Variants in NCOR2 observed in about 807,000 individuals in gnomAD.
NCOR2 encodes nuclear receptor corepressor 2, also known as CTG repeat protein 26.
A neutral mutation model predicts 262.9 loss-of-function variants in NCOR2; 81 were observed. The ratio of observed to expected loss-of-function variants is 0.31; its 90% CI spans 0.26 to 0.37. NCOR2 has a LOEUF of 0.37. NCOR2 is among the 10% of genes least tolerant of loss of function. The pLI, the probability that NCOR2 is intolerant of heterozygous loss-of-function variation, is 1.00. For synonymous variants in NCOR2, 1,659 were observed against 1,559.3 expected, an observed-to-expected ratio of 1.06 and a Z score of -1.51; for missense variants, 3,385 against 3,621.4, an observed-to-expected ratio of 0.93 and a Z score of 1.68.
At chr12:124,333,897 C>CATGTGTGTGT (rs1566353653) in intron 41 of NCOR2, among the ~76,000 whole-genome samples, 2 of 123,618 alleles carry the variant, frequency 1.6e-5, no homozygotes, top group African/African-American at 5.4e-5. Flanking sequence ...TGTGTGTGTG[C>CATGTGTGTGT]GCGCGCATGT....
intron 16 of NCOR2, among the ~76,000 whole-genome samples, chr12:124,396,437 C>T (rs2041661308): frequency 6.6e-6 from 1 of 152,186 alleles, no homozygotes; most frequent in African/African-American, 2.4e-5. Flanking sequence ...ATGCCAGAAA[C>T]CACCAAGTGG....
At chr12:124,349,841 C>T (rs2037285041) in intron 28 of NCOR2, among the ~76,000 whole-genome samples, 2 of 152,148 alleles carry the variant, frequency 1.3e-5, no homozygotes, top group South Asian at 4.2e-4. Context: ...GGTCCAGGGG[C>T]ACCAGGGCAT....
chr12:124,476,986 G>A (rs866040217), intron 3 of NCOR2, among the ~76,000 whole-genome samples: 9 of 151,742 alleles, frequency 5.9e-5, no homozygotes, highest in South Asian at 2.1e-4. Context: ...GAGTGGAAGT[G>A]GACAGACATA....
intron 43 of NCOR2, 38 bp from the exon 46 acceptor site, chr12:124,330,936 C>T (rs1266759122): frequency 1.3e-6 from 2 of 1,561,154 alleles, no homozygotes; most frequent in Non-Finnish European, 1.7e-6. Context: ...GCCCCCAGGT[C>T]TCTGGGAATT....
Position 124,483,866 on chromosome 12 carries a change from C to T in NCOR2, c.234-93G>A, listed in dbSNP as rs1185886975. ...CACCCTCTGCGCCGAGCATCTACTG[C>T]GCGCCGTGCTCTGTATGATCCTGCC... On this transcript the variant is annotated intron_variant, in intron 2 of 46. Transcript: ENST00000405201. This position sits in a 1 kb window ranked among gnomAD's most constrained non-coding sequence, Gnocchi z 6.3. The T allele has an allele frequency of 4.4e-6, 6 of 1,373,464 alleles. No homozygotes were observed. The African/African-American group carries it at 5.9e-5, about 13-fold the overall frequency. 85.1% of individuals were successfully genotyped at this position (1,373,464 alleles called of 1,614,324 possible).
chr12:124,363,135 C>G, intron 21 of NCOR2, among the ~76,000 whole-genome samples: 1 of 152,266 alleles, frequency 6.6e-6, no homozygotes, highest in East Asian at 1.9e-4. Flanking sequence ...GCCGTGTAGC[C>G]TGACACGCCC....
intron 8 of NCOR2, among the ~76,000 whole-genome samples, chr12:124,437,068 A>G (rs997220262): frequency 2.0e-5 from 3 of 152,070 alleles, no homozygotes; most frequent in African/African-American, 7.3e-5. Flanking sequence ...CCTGGGTGAC[A>G]GAGCGAAACT....
chr12:124,360,418 G>A (rs1313172520), intron 22 of NCOR2, among the ~76,000 whole-genome samples: 2 of 152,362 alleles, frequency 1.3e-5, no homozygotes, highest in Non-Finnish European at 2.9e-5. Flanking sequence ...GGTTCAGGCA[G>A]CCTCTGTCGC....
Position 124,440,316 on chromosome 12 carries a change from C to T in NCOR2, c.816-2320G>A, listed in dbSNP as rs189873894. 1.4e-4 allele frequency among the ~76,000 whole-genome samples: 21 copies of T among 152,308 alleles called. No individual in the cohort carries two copies. The East Asian group carries it at 2.3e-3, about 17-fold the overall frequency. On this transcript the variant is annotated intron_variant, in intron 7 of 46. Transcript: ENST00000405201. This position sits in a 1 kb window ranked among gnomAD's most constrained non-coding sequence, Gnocchi z 5.7. ...GGAGGGAACCCCAGGCTCTGACGGA[C>T]GAGTGAAGCCTCATGGGGCTCAAGG... is the stretch of plus-strand genomic sequence containing the variant.
rs1325622327 is a variant in NCOR2, at chr12:124,424,309, A to ACCGTC, written c.1329-1759_1329-1755dup. ...AATTCAGTAATTCTTAACACCCGTG[A>ACCGTC]CCGTCCCACCATCACCTCCCTCGTT... On this transcript the variant is annotated intron_variant, in intron 11 of 46. Transcript: ENST00000405201. 2.6e-5 allele frequency among the ~76,000 whole-genome samples: 4 copies of ACCGTC among 152,286 alleles called. No individual in the cohort carries two copies. In the East Asian group the frequency reaches 7.7e-4, roughly 29 times the overall value.
At chr12:124,501,733 T>G (rs1229454070) in intron 1 of NCOR2, among the ~76,000 whole-genome samples, 2 of 152,218 alleles carry the variant, frequency 1.3e-5, no homozygotes, top group South Asian at 2.1e-4. Context: ...GCAAAAACCC[T>G]TTCCAAACAA....
intron 14 of NCOR2, 72 bp downstream of exon 16, chr12:124,402,332 G>A: frequency 1.3e-6 from 2 of 1,592,774 alleles, no homozygotes; most frequent in Middle Eastern, 1.8e-4. Context: ...TCTACAAAGG[G>A]TCCCCCAGAA....
rs768020599 is a variant in NCOR2, at chr12:124,372,397, G to C, written c.2432C>G (p.Ala811Gly). 4.7e-6 allele frequency: 7 copies of C among 1,500,068 alleles called. No individual in the cohort carries two copies. The East Asian group carries it at 1.6e-4, about 35-fold the overall frequency. The allele number at this position is 1,500,068 out of a possible 1,614,324, so 92.9% of individuals were successfully genotyped here. The stretch of plus-strand genomic sequence containing the variant: ...AGGAGGTGCAGAGGGCGATGGGGGT[G>C]CTGGTGGGGGCGTAGGGGCTCCGGT... The change falls in exon 20 of 47, where the codon GCA (alanine) becomes GGA (glycine). Residue 811 changes from alanine to glycine, a missense_variant. Physicochemically the swap from Ala to Gly is moderately conservative, Grantham distance 60. This residue lies in a region of NCOR2 where 1,615 missense variants were observed against 1,626.9 expected (regional missense o/e 0.99). Transcript: ENST00000405201.
chr12:124,327,759 T>G, intron 44 of NCOR2, 126 bp from the exon 47 acceptor site: 8 of 655,270 alleles, frequency 1.2e-5, no homozygotes, highest in Non-Finnish European at 1.6e-5. Context: ...GAGAGAGAAA[T>G]ACACAGTGAG....
rs200733406 is a variant in NCOR2, at chr12:124,355,579, G to A, written c.3242-8C>T. ...CCAGGGGCAGTGGGTGACCTGTGGA[G>A]CACATGTCTGTCCATTGTGGGGCCC... On this transcript the variant is annotated splice_region_variant and splice_polypyrimidine_tract_variant and intron_variant, in intron 23 of 46. Transcript: ENST00000405201. The A allele has an allele frequency of 1.9e-6, 3 of 1,555,420 alleles. No individual in the cohort carries two copies. Among genetic ancestry groups the A allele is most frequent in the Admixed American group, 1.9e-5 (1 of 52,540 alleles).
intron 3 of NCOR2, among the ~76,000 whole-genome samples, chr12:124,477,926 A>G (rs1336998468): frequency 6.6e-6 from 1 of 152,266 alleles, no homozygotes; most frequent in African/African-American, 2.4e-5. Flanking sequence ...ACAGAGAGGC[A>G]GAAAAGCCCC....
intron 45 of NCOR2, 45 bp downstream of exon 47, chr12:124,327,364 C>T (rs751485633): frequency 2.7e-5 from 31 of 1,165,730 alleles, no homozygotes; most frequent in Admixed American, 6.1e-5. Flanking sequence ...TTAATCACAC[C>T]GGGGGTGGGG....
In NCOR2 at chr12:124,378,387, G is replaced by A. The variant is rs1332177511; in HGVS notation, c.2020-3C>T. On this transcript the variant is annotated splice_polypyrimidine_tract_variant and splice_region_variant and intron_variant, in intron 17 of 46. Coordinates refer to ENST00000405201, the Ensembl canonical transcript of NCOR2. This position sits in a 1 kb window ranked among gnomAD's most constrained non-coding sequence, Gnocchi z 4.2. Reference sequence around the variant, plus strand: ...CTCCGCGCGTTCCTCTCCTTCTCCTGGGGCACAGGGAAGCAGCAGATCAGG... The same window carrying A: ...CTCCGCGCGTTCCTCTCCTTCTCCTAGGGCACAGGGAAGCAGCAGATCAGG... 3.1e-6 allele frequency: 5 copies of A among 1,609,588 alleles called. No individual in the cohort carries two copies. The highest frequency in any genetic ancestry group is 4.2e-6 in the Non-Finnish European group (5 of 1,178,682).
At chr12:124,358,971 G>A (rs1054047556) in intron 22 of NCOR2, among the ~76,000 whole-genome samples, 1 of 152,254 alleles carries the variant, frequency 6.6e-6, no homozygotes, top group Non-Finnish European at 1.5e-5. Flanking sequence ...TAGCGGCTTC[G>A]AACCCAGGCA....
Sources: gnomAD v4.1 joint callset for allele counts (sites outside exome capture counted in the v4.1 genomes callset) on GRCh38, gnomAD v4.1.1 for gene constraint, gnomAD v4.1.1 regional missense constraint, Gnocchi (gnomAD v3.1) non-coding constraint, MANE v1.5 for transcripts, NCBI Gene and HGNC (gene_info 2026-07-23, HGNC 2026-07-21) for gene names.